The following TENT5A variants were observed in gnomAD, a reference collection of about 807,000 sequenced individuals.
TENT5A encodes the protein HBV X-transactivated gene 11 protein.
In TENT5A, 9 loss-of-function variants were observed where a neutral mutation model predicts 30.2. The observed-to-expected ratio is 0.30, with a 90% confidence interval of 0.18 to 0.52. The LOEUF (loss-of-function observed/expected upper bound fraction) is 0.52. Ranked by LOEUF, TENT5A falls within the 20% of genes least tolerant of loss-of-function variation. The probability of loss-of-function intolerance (pLI) is 0.97; values close to 1 mark genes in which losing one functional copy is unlikely to be tolerated. For synonymous variants in TENT5A, 264 were observed against 234.2 expected (o/e 1.13, Z -1.16); for missense variants, 411 against 566.1 (o/e 0.73, Z 2.78).
In TENT5A at chr6:81,749,826, T is replaced by G. The variant is rs906390149; in HGVS notation, c.1198A>C (p.Asn400His). The change falls in exon 3 of 3, where the codon AAT (asparagine) becomes CAT (histidine). Residue 400 changes from asparagine (N) to histidine (H), a missense_variant. Transcript: ENST00000320172. ...ADQNVIPNVA[N>H]VTCYYQPAPY... ...GCTGGCTGGTAATAGCAAGTGACAT[T>G]AGCCACATTAGGAATGACATTTTGG... 3 of 1,614,094 alleles carry G rather than the reference T, an allele frequency of 1.9e-6. No homozygotes were observed. The highest frequency in any genetic ancestry group is 8.5e-7 in the Non-Finnish European group (1 of 1,180,004).
At position 81,749,007 on chromosome 6, in the gene TENT5A, C is replaced by CTTGCA. The variant is rs1768969036; in HGVS notation, c.*683_*687dup. The CTTGCA allele has an allele frequency of 1.0e-6, 1 of 985,656 alleles. No individual in the cohort carries two copies. Among genetic ancestry groups the CTTGCA allele is most frequent in the South Asian group, 4.7e-5 (1 of 21,292 alleles). The allele number at this position is 985,656 out of a possible 1,614,324, so 61.1% of individuals were successfully genotyped here. ...ACTTTCTTTGTTACAGCTGTTTTTG[C>CTTGCA]TTGCATTTTTACATTTTAAAAATGT... On this transcript the variant is annotated 3_prime_UTR_variant, in exon 3 of 3. Coordinates refer to ENST00000320172, the MANE Select transcript of TENT5A (RefSeq NM_017633.3).
chr6:81,748,593 G>C lies in TENT5A; in HGVS notation c.*1102C>G. The stretch of plus-strand genomic sequence containing the variant: ...ATTTCCTATTTGAGACATTATTCTA[G>C]ATCATAGTCAATCTACTGTGTATAT... On this transcript the variant is annotated 3_prime_UTR_variant, in exon 3 of 3. Coordinates refer to ENST00000320172, the MANE Select transcript of TENT5A (RefSeq NM_017633.3). 1.0e-6 allele frequency: 1 copy of C among 972,136 alleles called. No homozygotes were observed. Among genetic ancestry groups the C allele is most frequent in the Non-Finnish European group, 1.2e-6 (1 of 818,262 alleles). 60.2% of individuals were successfully genotyped at this position (972,136 alleles called of 1,614,324 possible).
At chr6:81,752,387 C>G in intron 1 of TENT5A, 44 bp downstream of exon 1, 2 of 1,549,986 alleles carry the variant, frequency 1.3e-6, no homozygotes, top group Non-Finnish European at 8.7e-7. Context: ...AAAAGTATCT[C>G]TGATGCATCT....
rs1320963503 is a variant in TENT5A, at chr6:81,749,772, T to G, written c.1252A>C (p.Asn418His). 1 of 1,614,140 alleles carries G rather than the reference T, an allele frequency of 6.2e-7. No individual in the cohort carries two copies. The highest frequency in any genetic ancestry group is 2.2e-5 in the East Asian group (1 of 44,872). ...APYVADANFS[N>H]YYIAQVQPVF... Reference sequence around the variant, plus strand: ...GGCTGAACCTGTGCAATGTAGTAATTGCTAAAGTTGGCATCTGCTACATAG... The same window carrying G: ...GGCTGAACCTGTGCAATGTAGTAATGGCTAAAGTTGGCATCTGCTACATAG... The change falls in exon 3 of 3, where the codon AAT becomes CAT. Residue 418 changes from asparagine (N) to histidine (H), a missense_variant. By Grantham distance (68) the Asn-to-His change is moderately conservative. Transcript: ENST00000320172.
Position 81,751,706 on chromosome 6 carries a change from C to T in TENT5A, c.436G>A (p.Ala146Thr). 1 of 1,614,140 alleles carries T rather than the reference C, an allele frequency of 6.2e-7. No homozygotes were observed. The highest frequency in any genetic ancestry group is 8.5e-7 in the Non-Finnish European group (1 of 1,180,030). The change falls in exon 2 of 3, where the codon GCC (alanine) becomes ACC (threonine). Residue 146 changes from alanine to threonine, a missense_variant. Physicochemically the swap from Ala to Thr is moderately conservative, Grantham distance 58 (BLOSUM62 0). Transcript: ENST00000320172. ...GYKDLDLIFCADLRGEGEFQT... is the reference protein window; with the variant it reads ...GYKDLDLIFCTDLRGEGEFQT... ...AACTCCCCTTCCCCGCGCAGGTCGG[C>T]GCAGAAGATGAGGTCCAGGTCCTTG...
rs1554200536 is a variant in TENT5A at position 81,752,010 on chromosome 6, A to ACCGCCGAAGTTGCCG, written c.131_132insCGGCAACTTCGGCGG (p.Gly45_Gly46insAsnPheGlyGlyGly). 3 of 1,341,592 alleles carry ACCGCCGAAGTTGCCG rather than the reference A, an allele frequency of 2.2e-6. No homozygotes were observed. The highest frequency in any genetic ancestry group is 3.1e-6 in the Non-Finnish European group (3 of 969,782). The allele number at this position is 1,341,592 out of a possible 1,614,324, so 83.1% of individuals were successfully genotyped here. On this transcript the variant is annotated inframe_insertion, in exon 2 of 3. Coordinates refer to ENST00000320172, the MANE Select transcript of TENT5A (RefSeq NM_017633.3). ...AGCAATGCCCACCGAAGCTGCCGCC[A>ACCGCCGAAGTTGCCG]CCGCCGAAGTCGCCGCCGCCGAAGT...
chr6:81,752,199 G>C (rs1769058973), intron 1 of TENT5A, 21 bp from the exon 2 acceptor site: 1 of 1,479,368 alleles, frequency 6.8e-7, no homozygotes, highest in East Asian at 2.5e-5. Context: ...AGGGAAAGGA[G>C]CGCGGTGAGG....
Position 81,745,916 on chromosome 6 carries a change from G to T in TENT5A, c.*3779C>A. On this transcript the variant is annotated 3_prime_UTR_variant, in exon 3 of 3. Coordinates refer to ENST00000320172, the MANE Select transcript of TENT5A (RefSeq NM_017633.3). Reference sequence around the variant, plus strand: ...AAATATTCCAAAAGAGTGACCCAAGGTGCAGCTTGCTGCAACAGAACACCT... The same window carrying T: ...AAATATTCCAAAAGAGTGACCCAAGTTGCAGCTTGCTGCAACAGAACACCT... 1.0e-6 allele frequency: 1 copy of T among 985,394 alleles called. No homozygotes were observed. 61.0% of individuals were successfully genotyped at this position (985,394 alleles called of 1,614,324 possible).
rs1286363873 is a variant in TENT5A at position 81,752,057 on chromosome 6, C to CGCCGAAGTCGCCGCT, written c.84_85insAGCGGCGACTTCGGC (p.Gly28_Gly29insSerGlyAspPheGly). 5.7e-6 allele frequency: 9 copies of CGCCGAAGTCGCCGCT among 1,589,536 alleles called. No individual in the cohort carries two copies. In the South Asian group the frequency reaches 9.0e-5, roughly 16 times the overall value. On this transcript the variant is annotated inframe_insertion, in exon 2 of 3. Coordinates refer to ENST00000320172, the MANE Select transcript of TENT5A (RefSeq NM_017633.3). ...AAGTCGCCGCCGCCGAAGTCGCCGC[C>CGCCGAAGTCGCCGCT]GCCGAAGTCGCCGCCTAGGGGGATG...
At position 81,750,127 on chromosome 6, in the gene TENT5A, G is replaced by T; in HGVS notation, c.897C>A (p.Leu299=). Residue 299 remains leucine (L), a synonymous_variant, in exon 3 of 3, where the codon CTC becomes CTA. Coordinates refer to ENST00000320172, the MANE Select transcript of TENT5A (RefSeq NM_017633.3). The surrounding 1 kb of genome is among the most constrained non-coding windows in gnomAD (Gnocchi z 4.2). ...AGGCGGGCCTAAAGCCCCTCACCAAGAGGTTGCAGTACTTAAGCAGGCCTC... is the reference window on the plus strand; with the variant it reads ...AGGCGGGCCTAAAGCCCCTCACCAATAGGTTGCAGTACTTAAGCAGGCCTC... ...RGGGLLKYCN[L]LVRGFRPASD... is the part of the protein sequence containing the mutation. 1 of 1,613,800 alleles carries T rather than the reference G, an allele frequency of 6.2e-7. No homozygotes were observed. The highest frequency in any genetic ancestry group is 8.5e-7 in the Non-Finnish European group (1 of 1,179,832).
At position 81,750,265 on chromosome 6, in the gene TENT5A, C is replaced by T. The variant is rs1463704021; in HGVS notation, c.759G>A (p.Glu253=). Residue 253 remains glutamate (E), a synonymous_variant, in exon 3 of 3, where the codon GAG becomes GAA. Coordinates refer to ENST00000320172, the MANE Select transcript of TENT5A (RefSeq NM_017633.3). The surrounding 1 kb of genome is among the most constrained non-coding windows in gnomAD (Gnocchi z 4.2). Reference sequence around the variant, plus strand: ...CCCCGATTATTGTGGGGTGAAATGTCTCAGTCATTGGGTTCTCTGAACATT... The same window carrying T: ...CCCCGATTATTGTGGGGTGAAATGTTTCAGTCATTGGGTTCTCTGAACATT... ...FYECSENPMT[E]TFHPTIIGES... 6.2e-7 allele frequency: 1 copy of T among 1,614,162 alleles called. No homozygotes were observed. The highest frequency in any genetic ancestry group is 8.5e-7 in the Non-Finnish European group (1 of 1,180,004).
In TENT5A at chr6:81,751,986, G is replaced by C. The variant is rs748533582; in HGVS notation, c.156C>G (p.Cys52Trp). 21 of 1,612,062 alleles carry C rather than the reference G, an allele frequency of 1.3e-5. No homozygotes were observed. The highest frequency in any genetic ancestry group is 1.7e-5 in the Non-Finnish European group (20 of 1,179,470). ...CCGTAGGGCTTTCGCAATAGTCCAA[G>C]CAATGCCCACCGAAGCTGCCGCCAC... ...FGGGGSFGGH[C>W]LDYCESPTAH... The change falls in exon 2 of 3, where the codon TGC becomes TGG. Residue 52 changes from cysteine to tryptophan, a missense_variant. This residue lies in a region of TENT5A where 157 missense variants were observed against 183.2 expected (regional missense o/e 0.86). Coordinates refer to ENST00000320172, the MANE Select transcript of TENT5A (RefSeq NM_017633.3).
rs1373857363 is a variant in TENT5A at position 81,747,578 on chromosome 6, G to C, written c.*2117C>G. On this transcript the variant is annotated 3_prime_UTR_variant, in exon 3 of 3. Coordinates refer to ENST00000320172, the MANE Select transcript of TENT5A (RefSeq NM_017633.3). Reference sequence around the variant, plus strand: ...AGCACTAAGCATCTGAGGATCCCTAGATAAACAAACAAACAAATTATACTG... The same window carrying C: ...AGCACTAAGCATCTGAGGATCCCTACATAAACAAACAAACAAATTATACTG... 6.1e-6 allele frequency: 6 copies of C among 985,448 alleles called. No individual in the cohort carries two copies. The highest frequency in any genetic ancestry group is 7.2e-6 in the Non-Finnish European group (6 of 829,834). 61.0% of individuals were successfully genotyped at this position (985,448 alleles called of 1,614,324 possible). A position where few individuals can be genotyped will look rare whatever the true frequency, so the allele number is the denominator to read the frequency against.
In TENT5A at chr6:81,751,951, T is replaced by G. The variant is rs979899979; in HGVS notation, c.191A>C (p.Asn64Thr). The G allele has an allele frequency of 1.2e-6, 2 of 1,605,998 alleles. No homozygotes were observed. The highest frequency in any genetic ancestry group is 1.3e-5 in the African/African-American group (1 of 74,126). Residue 64 changes from asparagine (N) to threonine (T), a missense_variant, in exon 2 of 3, where the codon AAT becomes ACT. Physicochemically the swap from Asn to Thr is moderately conservative, Grantham distance 65. Transcript: ENST00000320172. ...CTGCACTTGCTCCCAGTTCAGCACA[T>G]TGCAGTGCGCCGTAGGGCTTTCGCA... Reference protein sequence around the residue: ...DYCESPTAHCNVLNWEQVQRL... With the variant: ...DYCESPTAHCTVLNWEQVQRL...
At position 81,745,734 on chromosome 6, in the gene TENT5A, T is replaced by C. The variant is rs550980184; in HGVS notation, c.*3961A>G. On this transcript the variant is annotated 3_prime_UTR_variant, in exon 3 of 3. Coordinates refer to ENST00000320172, the MANE Select transcript of TENT5A (RefSeq NM_017633.3). ...ATTGTAGACAGCAAACACAAATCAATAGAAAAAAATAACTTTTTTATTTAC... is the reference window on the plus strand; with the variant it reads ...ATTGTAGACAGCAAACACAAATCAACAGAAAAAAATAACTTTTTTATTTAC... 3 of 985,274 alleles carry C rather than the reference T, an allele frequency of 3.0e-6. No homozygotes were observed. The highest frequency in any genetic ancestry group is 4.7e-5 in the South Asian group (1 of 21,268). The allele number at this position is 985,274 out of a possible 1,614,324, so 61.0% of individuals were successfully genotyped here.
rs781770268 is a variant in TENT5A at position 81,745,947 on chromosome 6, C to T, written c.*3748G>A. 133 of 985,734 alleles carry T rather than the reference C, an allele frequency of 1.3e-4. No individual in the cohort carries two copies. The highest frequency in any genetic ancestry group is 1.5e-4 in the Non-Finnish European group (128 of 829,956). 61.1% of individuals were successfully genotyped at this position (985,734 alleles called of 1,614,324 possible). A position where few individuals can be genotyped will look rare whatever the true frequency, so the allele number is the denominator to read the frequency against. On this transcript the variant is annotated 3_prime_UTR_variant, in exon 3 of 3. Coordinates refer to ENST00000320172, the MANE Select transcript of TENT5A (RefSeq NM_017633.3). ...CTTGCTGCAACAGAACACCTCAAAGCAGGCATGATTGTAGAGAGGTTGGAG... is the reference window on the plus strand; with the variant it reads ...CTTGCTGCAACAGAACACCTCAAAGTAGGCATGATTGTAGAGAGGTTGGAG...
chr6:81,751,662 G>T lies in TENT5A; in HGVS notation c.480C>A (p.Val160=). The T allele has an allele frequency of 6.2e-7, 1 of 1,614,136 alleles. No individual in the cohort carries two copies. Among genetic ancestry groups the T allele is most frequent in the Non-Finnish European group, 8.5e-7 (1 of 1,180,034 alleles). Residue 160 remains valine, a synonymous_variant, in exon 2 of 3, where the codon GTC becomes GTA. Coordinates refer to ENST00000320172, the MANE Select transcript of TENT5A (RefSeq NM_017633.3). ...AGAAGTCCAACAGGCAGTCCAGCAC[G>T]ACGTCCTTCACAGTCTGAAACTCCC... is the stretch of plus-strand genomic sequence containing the variant. ...GEGEFQTVKD[V]VLDCLLDFLP...
Position 81,746,581 on chromosome 6 carries a change from TTAAG to T in TENT5A, c.*3110_*3113del. The T allele has an allele frequency of 1.6e-6, 2 of 1,232,108 alleles. No homozygotes were observed. Among genetic ancestry groups the T allele is most frequent in the Non-Finnish European group, 2.0e-6 (2 of 987,928 alleles). 76.3% of individuals were successfully genotyped at this position (1,232,108 alleles called of 1,614,324 possible). A position where few individuals can be genotyped will look rare whatever the true frequency, so the allele number is the denominator to read the frequency against. Reference sequence around the variant, plus strand: ...TTGAGGCAGCTGGATTTACTGCAAATTAAGTAAACCTTTAAAAACGGCATTGTCA... The same window carrying T: ...TTGAGGCAGCTGGATTTACTGCAAATTAAACCTTTAAAAACGGCATTGTCA... On this transcript the variant is annotated 3_prime_UTR_variant, in exon 3 of 3. Coordinates refer to ENST00000320172, the MANE Select transcript of TENT5A (RefSeq NM_017633.3).
At position 81,752,582 on chromosome 6, in the gene TENT5A, C is replaced by T. The variant is rs1329405905; in HGVS notation, c.-189G>A. 1.2e-6 allele frequency: 1 copy of T among 839,432 alleles called. No homozygotes were observed. Among genetic ancestry groups the T allele is most frequent in the African/African-American group, 1.7e-5 (1 of 59,542 alleles). The allele number at this position is 839,432 out of a possible 1,614,324, so 52.0% of individuals were successfully genotyped here. ...GCCTGCGCTCACCACTCCCTCCCCG[C>T]GACCCCTCCTGCGCCGCTGCCACCC... On this transcript the variant is annotated 5_prime_UTR_variant, in exon 1 of 3. Coordinates refer to ENST00000320172, the MANE Select transcript of TENT5A (RefSeq NM_017633.3).
Sources: gnomAD v4.1 joint callset for allele counts on GRCh38, gnomAD v4.1.1 for gene constraint, gnomAD v4.1.1 regional missense constraint, Gnocchi (gnomAD v3.1) non-coding constraint, MANE v1.5 for transcripts, NCBI Gene and HGNC (gene_info 2026-07-23, HGNC 2026-07-21) for gene names.